PCSK5: variants seen among roughly 807,000 people sequenced by gnomAD.
The protein encoded by PCSK5 is prohormone convertase 5.
A neutral mutation model predicts 233.2 loss-of-function variants in PCSK5; 129 were observed. The ratio of observed to expected loss-of-function variants is 0.55; its 90% CI spans 0.48 to 0.64. The LOEUF (loss-of-function observed/expected upper bound fraction) is 0.64. Ranked by LOEUF, PCSK5 falls within the 30% of genes least tolerant of loss-of-function variation. The pLI, the probability that PCSK5 is intolerant of heterozygous loss-of-function variation, is 0.00. For missense variants in PCSK5, 2,076 were observed against 2,430.1 expected, an observed-to-expected ratio of 0.85 and a Z score of 3.06; for synonymous variants, 825 against 879.2, an observed-to-expected ratio of 0.94 and a Z score of 1.09.
At chr9:76,064,178 G>A (rs1271678949) in intron 5 of PCSK5, among the ~76,000 whole-genome samples, 1 of 120,956 alleles carries the variant, frequency 8.3e-6, no homozygotes, top group East Asian at 2.4e-4. Flanking sequence ...CTGGCCAGGC[G>A]GGGGGCTGAC....
chr9:76,213,718 T>C (rs747381281), intron 20 of PCSK5, among the ~76,000 whole-genome samples: 1 of 152,184 alleles, frequency 6.6e-6, no homozygotes, highest in Non-Finnish European at 1.5e-5. Context: ...CTCTAACTGA[T>C]GTTCCGTTAT....
intron 10 of PCSK5, among the ~76,000 whole-genome samples, chr9:76,142,659 T>C (rs1052074529): frequency 6.6e-6 from 1 of 152,188 alleles, no homozygotes; most frequent in African/African-American, 2.4e-5. Context: ...TGTTCAGAGT[T>C]TTGTAAGATA....
At chr9:76,321,339 T>C in intron 30 of PCSK5, 83 bp from the exon 31 acceptor site, 2 of 749,684 alleles carry the variant, frequency 2.7e-6, no homozygotes, top group Non-Finnish European at 4.7e-6. Context: ...CTTTTGTTTT[T>C]AGACCTAATT....
intron 22 of PCSK5, among the ~76,000 whole-genome samples, chr9:76,234,032 A>G (rs946217727): frequency 5.9e-5 from 9 of 152,048 alleles, no homozygotes; most frequent in African/African-American, 2.2e-4. Flanking sequence ...AATGATTACA[A>G]ATGTGACCTT....
chr9:76,332,019 C>T (rs2131482528), intron 33 of PCSK5, among the ~76,000 whole-genome samples: 1 of 152,272 alleles, frequency 6.6e-6, no homozygotes, highest in Admixed American at 6.5e-5. Flanking sequence ...CTGGGGCTTC[C>T]CCCTAGTTAA....
chr9:76,212,417 A>G (rs907159170), intron 20 of PCSK5, among the ~76,000 whole-genome samples: 1 of 152,218 alleles, frequency 6.6e-6, no homozygotes, highest in Non-Finnish European at 1.5e-5. Flanking sequence ...TGTGTGTTAG[A>G]GAAAGAACAC....
chr9:76,320,820 GTT>G (rs201178647), intron 30 of PCSK5, among the ~76,000 whole-genome samples: 15 of 135,494 alleles, frequency 1.1e-4, no homozygotes, highest in African/African-American at 3.3e-4. Flanking sequence ...TTTTGGTTTT[GTT>G]TTTTTTTTTT....
At chr9:76,200,930 G>C (rs1824888265) in intron 20 of PCSK5, among the ~76,000 whole-genome samples, 1 of 152,224 alleles carries the variant, frequency 6.6e-6, no homozygotes, top group Non-Finnish European at 1.5e-5. Context: ...ACCCCATCAA[G>C]TCAACTCTTG....
intron 1 of PCSK5, among the ~76,000 whole-genome samples, chr9:75,912,881 G>C (rs1318122270): frequency 6.6e-6 from 1 of 152,028 alleles, no homozygotes; most frequent in Non-Finnish European, 1.5e-5. Context: ...CCTAGCTCTG[G>C]ACACCTCCCC....
intron 5 of PCSK5, among the ~76,000 whole-genome samples, chr9:76,050,795 C>T (rs1022118042): frequency 6.6e-6 from 1 of 152,162 alleles, no homozygotes; most frequent in African/African-American, 2.4e-5. Flanking sequence ...ATTATTCTAT[C>T]CTTCTAGGAT....
chr9:75,923,554 T>C (rs1823347342), intron 1 of PCSK5, among the ~76,000 whole-genome samples: 1 of 152,214 alleles, frequency 6.6e-6, no homozygotes, highest in South Asian at 2.1e-4. Flanking sequence ...CTGAAAATTA[T>C]GAAGAATAAA....
chr9:76,144,611 A>T (rs1398200602), intron 10 of PCSK5, among the ~76,000 whole-genome samples: 1 of 152,196 alleles, frequency 6.6e-6, no homozygotes, highest in Non-Finnish European at 1.5e-5. Context: ...GGAAAGAGGT[A>T]CCTTTCTCTA....
chr9:76,112,057 T>C (rs1326094605), intron 9 of PCSK5, among the ~76,000 whole-genome samples: 1 of 152,218 alleles, frequency 6.6e-6, no homozygotes, highest in Non-Finnish European at 1.5e-5. Flanking sequence ...TTTAGTGGAA[T>C]ATTTCATATG....
At chr9:76,358,469 A>T in intron 37 of PCSK5, 44 bp from the exon 38 acceptor site, 1 of 1,498,520 alleles carries the variant, frequency 6.7e-7, no homozygotes, top group Non-Finnish European at 9.1e-7. Flanking sequence ...TATTTCTTTC[A>T]CTTTTTCCCT....
intron 10 of PCSK5, among the ~76,000 whole-genome samples, chr9:76,140,929 G>A (rs73650461): frequency 0.18 from 27,825 of 151,852 alleles, 2,797 homozygotes; most frequent in Middle Eastern, 0.31. Flanking sequence ...GAAAATAGAC[G>A]TCTCTTTTGT....
At chr9:76,122,355 A>G (rs1456963697) in intron 9 of PCSK5, among the ~76,000 whole-genome samples, 2 of 152,028 alleles carry the variant, frequency 1.3e-5, no homozygotes, top group Non-Finnish European at 2.9e-5. Flanking sequence ...ATATTAATAA[A>G]ACTTTTTAAA....
intron 6 of PCSK5, among the ~76,000 whole-genome samples, chr9:76,069,390 T>A (rs1210068716): frequency 6.6e-6 from 1 of 151,590 alleles, no homozygotes; most frequent in Non-Finnish European, 1.5e-5. Flanking sequence ...TAATAATTTT[T>A]AAAAAATGAG....
intron 3 of PCSK5, among the ~76,000 whole-genome samples, chr9:75,998,425 A>G (rs889088650): frequency 6.6e-6 from 1 of 152,200 alleles, no homozygotes; most frequent in Non-Finnish European, 1.5e-5. Context: ...AAGATAGTGA[A>G]AAAGAACTCA....
intron 35 of PCSK5, among the ~76,000 whole-genome samples, chr9:76,350,364 A>G (rs539236186): frequency 6.6e-6 from 1 of 152,306 alleles, no homozygotes; most frequent in East Asian, 1.9e-4. Context: ...GAACCACCAA[A>G]CAAAATGATC....
Sources: gnomAD v4.1 joint callset for allele counts (sites outside exome capture counted in the v4.1 genomes callset) on GRCh38, gnomAD v4.1.1 for gene constraint, MANE v1.5 for transcripts, NCBI Gene and HGNC (gene_info 2026-07-23, HGNC 2026-07-21) for gene names.